SLC27A2: variants seen among roughly 807,000 people sequenced by gnomAD.
The protein encoded by SLC27A2 is solute carrier family 27 member 2.
Under a neutral mutation model 60.0 loss-of-function variants are expected in SLC27A2, and 54 were observed. The observed-to-expected ratio is 0.90, with a 90% CI of 0.72 to 1.13. The LOEUF is 1.13. Ranked by LOEUF, SLC27A2 falls within the 50% of genes most tolerant of loss-of-function variation. SLC27A2 has a pLI of 0.00. For missense variants in SLC27A2, 739 were observed against 777.6 expected (o/e 0.95, Z 0.59); for synonymous variants, 297 against 297.6 (o/e 1.00, Z 0.02).
intron 4 of SLC27A2, among the ~76,000 whole-genome samples, chr15:50,207,645 C>T (rs143249257): frequency 0.028 from 4,181 of 151,854 alleles, 66 homozygotes; most frequent in Non-Finnish European, 0.036. Context: ...CAAAAATTAG[C>T]GGGGCTTGTT....
intron 8 of SLC27A2, among the ~76,000 whole-genome samples, chr15:50,232,013 A>C (rs555533739): frequency 6.6e-6 from 1 of 152,340 alleles, no homozygotes; most frequent in South Asian, 2.1e-4. Flanking sequence ...TTAGAGATAA[A>C]TTCTAAAGTC....
rs368061231 is a variant in SLC27A2, at chr15:50,186,498, C to A, written c.478+3593C>A. Among the ~76,000 whole-genome samples, 63 of 152,244 alleles carry A rather than the reference C, an allele frequency of 4.1e-4. 2 individuals are homozygous for A. In the East Asian group the frequency reaches 0.011, roughly 26 times the overall value. ...GTTGCCCAGGCTGGAGGTGCCGTGG[C>A]GCGATCTCGACTCACGGCAACCTCC... On this transcript the variant is annotated intron_variant, in intron 1 of 9. Coordinates refer to ENST00000267842, the MANE Select transcript of SLC27A2 (RefSeq NM_003645.4).
intron 4 of SLC27A2, among the ~76,000 whole-genome samples, chr15:50,221,135 G>A (rs530072585): frequency 6.0e-4 from 92 of 152,170 alleles, no homozygotes; most frequent in African/African-American, 1.8e-3. Context: ...GAGCCTGGGA[G>A]TTAAGGCTGC....
At chr15:50,229,781 T>A (rs1253216081) in intron 8 of SLC27A2, among the ~76,000 whole-genome samples, 1 of 152,194 alleles carries the variant, frequency 6.6e-6, no homozygotes, top group East Asian at 1.9e-4. Flanking sequence ...CAGAGAGGAT[T>A]CCAGCCTCAA....
At chr15:50,234,494 G>A (rs1490607328) in intron 9 of SLC27A2, among the ~76,000 whole-genome samples, 3 of 151,440 alleles carry the variant, frequency 2.0e-5, no homozygotes, top group Non-Finnish European at 4.4e-5. Flanking sequence ...GGCTGGGACA[G>A]GAGAATCGCT....
At chr15:50,233,729 T>C (rs908741266) in intron 8 of SLC27A2, 139 bp from the exon 9 acceptor site, 10 of 693,282 alleles carry the variant, frequency 1.4e-5, no homozygotes, top group Non-Finnish European at 2.1e-5. Flanking sequence ...TTACAGTATC[T>C]TCATGTATTT....
chr15:50,195,293 C>T (rs541913234), intron 1 of SLC27A2, among the ~76,000 whole-genome samples: 11 of 147,706 alleles, frequency 7.4e-5, no homozygotes, highest in South Asian at 4.3e-4. Context: ...AGTGAAACCC[C>T]GTCTCTACTA....
chr15:50,205,371 T>TC lies in SLC27A2; in HGVS notation c.972+14dup, dbSNP rs1195093680. The stretch of plus-strand genomic sequence containing the variant: ...TTATGCAACTCACCACAGGTAACAC[T>TC]CCCCCCGTTTTACTATCATTTTGAA... On this transcript the variant is annotated intron_variant, in intron 4 of 9. Coordinates refer to ENST00000267842, the MANE Select transcript of SLC27A2 (RefSeq NM_003645.4). The TC allele has an allele frequency of 1.9e-6, 3 of 1,597,330 alleles. No homozygotes were observed. The African/African-American group carries it at 4.0e-5, about 21-fold the overall frequency.
intron 7 of SLC27A2, 87 bp downstream of exon 7, chr15:50,227,265 G>T (rs1370873585): frequency 1.2e-5 from 12 of 1,012,360 alleles, no homozygotes; most frequent in Non-Finnish European, 1.7e-5. Context: ...CTTTGGTTAT[G>T]GTGCATTTCC....
At chr15:50,228,910 C>T (rs1332359888) in intron 7 of SLC27A2, 35 bp from the exon 8 acceptor site, 1 of 1,445,522 alleles carries the variant, frequency 6.9e-7, no homozygotes, top group Non-Finnish European at 9.7e-7. Context: ...CCAGAAACCA[C>T]CAGTGACCTC....
rs2045318452 is a variant in SLC27A2 at position 50,231,757 on chromosome 15, T to C, written c.1556-2111T>C. Among the ~76,000 whole-genome samples, 3 of 152,206 alleles carry C rather than the reference T, an allele frequency of 2.0e-5. No homozygotes were observed. The South Asian group carries it at 6.2e-4, about 32-fold the overall frequency. On this transcript the variant is annotated intron_variant, in intron 8 of 9. Coordinates refer to ENST00000267842, the MANE Select transcript of SLC27A2 (RefSeq NM_003645.4). ...AAGGAGATTGACAGTCTTACAGTGT[T>C]GGCAGACAGTCAGATAGGATGAGGA...
At chr15:50,197,798 C>T (rs908761753) in intron 2 of SLC27A2, 89 bp downstream of exon 2, 5 of 881,858 alleles carry the variant, frequency 5.7e-6, no homozygotes, top group African/African-American at 3.3e-5. Flanking sequence ...TTTGGCAAAA[C>T]GTATTGGGTA....
intron 3 of SLC27A2, among the ~76,000 whole-genome samples, chr15:50,204,157 A>T (rs1233952979): frequency 1.3e-5 from 2 of 152,198 alleles, no homozygotes; most frequent in African/African-American, 4.8e-5. Context: ...TTTATGCACA[A>T]AGTTATTTAA....
chr15:50,187,330 C>G (rs1015393119), intron 1 of SLC27A2, among the ~76,000 whole-genome samples: 1 of 152,232 alleles, frequency 6.6e-6, no homozygotes, highest in Admixed American at 6.5e-5. Flanking sequence ...ATAAAAGCCA[C>G]ATGGCTGGGC....
intron 2 of SLC27A2, among the ~76,000 whole-genome samples, chr15:50,200,867 A>G (rs1160072082): frequency 1.3e-5 from 2 of 152,260 alleles, no homozygotes; most frequent in Non-Finnish European, 2.9e-5. Flanking sequence ...AAAGGCCCCA[A>G]CATTTAAGAG....
intron 6 of SLC27A2, among the ~76,000 whole-genome samples, 188 bp from the exon 7 acceptor site, chr15:50,226,792 T>C (rs2045281201): frequency 1.3e-5 from 2 of 152,104 alleles, no homozygotes; most frequent in Non-Finnish European, 2.9e-5. Context: ...AGTATATGTG[T>C]GTGTGGTGTA....
At chr15:50,201,816 A>G (rs1377047341) in intron 2 of SLC27A2, among the ~76,000 whole-genome samples, 1 of 152,048 alleles carries the variant, frequency 6.6e-6, no homozygotes, top group Non-Finnish European at 1.5e-5. Flanking sequence ...CAGCCTCCCA[A>G]AGTGTTAGGA....
chr15:50,202,922 G>A (rs1460424989), intron 3 of SLC27A2, among the ~76,000 whole-genome samples: 1 of 151,766 alleles, frequency 6.6e-6, no homozygotes, highest in Non-Finnish European at 1.5e-5. Flanking sequence ...GCTCACACCT[G>A]TATTCCCAGC....
intron 2 of SLC27A2, among the ~76,000 whole-genome samples, chr15:50,199,435 G>T (rs560138830): frequency 1.4e-5 from 2 of 145,304 alleles, no homozygotes; most frequent in Admixed American, 7.1e-5. Flanking sequence ...CCGAGATTGC[G>T]CCACTGCACT....
Sources: gnomAD v4.1 joint callset for allele counts (sites outside exome capture counted in the v4.1 genomes callset) on GRCh38, gnomAD v4.1.1 for gene constraint, MANE v1.5 for transcripts, NCBI Gene and HGNC (gene_info 2026-07-23, HGNC 2026-07-21) for gene names.